PHF8: variants seen among roughly 807,000 people sequenced by gnomAD.
PHF8 encodes the protein PHD finger protein 8, also known as histone lysine demethylase PHF8.
In PHF8, 9 loss-of-function variants were observed where a neutral mutation model predicts 74.4. The ratio of observed to expected loss-of-function variants is 0.12; its 90% CI spans 0.07 to 0.21. PHF8 has a LOEUF of 0.21. Ranked by LOEUF, PHF8 falls within the 10% of genes least tolerant of loss-of-function variation. The pLI is 1.00. For synonymous variants in PHF8, 311 were observed against 316.6 expected (o/e 0.98, Z 0.19); for missense variants, 478 against 816.6 (o/e 0.59, Z 5.05).
At chrX:54,015,412 T>C (rs1191875666) in intron 6 of PHF8, among the ~76,000 whole-genome samples, 2 of 108,352 alleles carry the variant, frequency 1.8e-5, no homozygotes, top group African/African-American at 6.7e-5. Flanking sequence ...CCGTCTCTAC[T>C]AAAAACATAA....
intron 5 of PHF8, 85 bp from the exon 6 acceptor site, chrX:54,016,821 C>A (rs781886390): frequency 6.3e-4 from 471 of 749,391 alleles, no homozygotes; most frequent in Admixed American, 1.0e-3. Flanking sequence ...CCTAGAATGG[C>A]CTTACACTCA....
intron 4 of PHF8, among the ~76,000 whole-genome samples, chrX:54,020,711 G>C (rs1182169534): frequency 4.5e-5 from 5 of 110,391 alleles, no homozygotes; most frequent in Non-Finnish European, 7.6e-5. Context: ...AATAAAACAA[G>C]AAACATTAAG....
rs1557108260 is a variant in PHF8, at chrX:54,016,615, A to G, written c.576T>C (p.Ser192=). The part of the protein sequence containing the change: ...GKREKVLNVI[S]LEFSDTRLSN... ...CTTACCTGGTATCAGAGAATTCCAAACTAATGACATTGAGGACTTTCTCCC... is the reference window on the plus strand; with the variant it reads ...CTTACCTGGTATCAGAGAATTCCAAGCTAATGACATTGAGGACTTTCTCCC... Residue 192 remains serine, a synonymous_variant, in exon 6 of 22, where the codon AGT becomes AGC. Transcript: ENST00000338154. The G allele has an allele frequency of 1.7e-6, 2 of 1,206,109 alleles. No homozygotes were observed. Among genetic ancestry groups the G allele is most frequent in the Admixed American group, 4.4e-5 (2 of 45,936 alleles).
At chrX:53,942,990 C>T in intron 20 of PHF8, 1 of 763,260 alleles carries the variant, frequency 1.3e-6, no homozygotes, top group Non-Finnish European at 1.6e-6. Context: ...TTTTAGAATG[C>T]CTCCCTGGCC....
At chrX:53,947,104 C>T (rs948660115) in intron 19 of PHF8, among the ~76,000 whole-genome samples, 9 of 111,270 alleles carry the variant, frequency 8.1e-5, no homozygotes, top group Non-Finnish European at 1.5e-4. Context: ...CTCCACCTCC[C>T]GGGTTCAAGC....
At chrX:54,046,582 C>CAAA (rs58124156), upstream of PHF8, among the ~76,000 whole-genome samples, 3 of 88,807 alleles carry the variant, frequency 3.4e-5, no homozygotes, top group South Asian at 1.2e-3. Context: ...GACTCCATCT[C>CAAA]AAAAAAAAAA....
intron 8 of PHF8, among the ~76,000 whole-genome samples, chrX:54,006,641 A>G (rs1002513777): frequency 8.9e-6 from 1 of 111,770 alleles, no homozygotes; most frequent in African/African-American, 3.3e-5. Context: ...TTCTTATGAA[A>G]ATTCAGGGGA....
intron 7 of PHF8, among the ~76,000 whole-genome samples, 179 bp downstream of exon 7, chrX:54,014,198 G>A (rs1173136266): frequency 3.6e-5 from 4 of 110,873 alleles, no homozygotes; most frequent in Non-Finnish European, 5.7e-5. Context: ...CTCGTGATCC[G>A]CCCGCCTCGG....
chrX:54,007,415 C>G (rs1438039650), intron 8 of PHF8, among the ~76,000 whole-genome samples: 1 of 111,758 alleles, frequency 8.9e-6, no homozygotes, highest in East Asian at 2.8e-4. Flanking sequence ...AATTGGGCAT[C>G]AAAATTTGTA....
chrX:54,012,554 T>C (rs781869578), intron 7 of PHF8, among the ~76,000 whole-genome samples: 4 of 111,290 alleles, frequency 3.6e-5, no homozygotes, highest in Non-Finnish European at 7.5e-5. Context: ...CTCAGCACTT[T>C]GGGAGGTTGA....
Position 54,044,294 on chromosome X carries a change from GAGAAGCCCA to G in PHF8, c.-634_-626del. 2 of 755,251 alleles carry G rather than the reference GAGAAGCCCA, an allele frequency of 2.6e-6. No homozygotes were observed. The highest frequency in any genetic ancestry group is 3.1e-6 in the Non-Finnish European group (2 of 639,414). 62.2% of individuals were successfully genotyped at this position (755,251 alleles called of 1,213,427 possible). On this transcript the variant is annotated 5_prime_UTR_variant, in exon 1 of 22. Coordinates refer to ENST00000338154, the MANE Select transcript of PHF8 (RefSeq NM_015107.3). ...GGCACACGGCCCGAAAAGTCGCTGG[GAGAAGCCCA>G]GTGGCGGTGGTAGGCAATTCGGAGT...
Position 54,035,446 on chromosome X carries a change from G to A in PHF8, c.98+7185C>T, listed in dbSNP as rs2066436752. ...AGCAGTTGCTTATGGTAAGTTATAT[G>A]TATAATGTAATACCTAGAGCAAGTA... On this transcript the variant is annotated intron_variant, in intron 2 of 21. Transcript: ENST00000338154. Among the ~76,000 whole-genome samples, 3 of 110,589 alleles carry A rather than the reference G, an allele frequency of 2.7e-5. No homozygotes were observed. In the Admixed American group the frequency reaches 2.9e-4, roughly 11 times the overall value.
At chrX:53,967,734 G>A (rs1557093447) in intron 18 of PHF8, among the ~76,000 whole-genome samples, 1 of 114,153 alleles carries the variant, frequency 8.8e-6, no homozygotes, top group Non-Finnish European at 1.9e-5. Context: ...GTGGAAAGAA[G>A]TAGACATGGG....
At chrX:53,998,770 A>G (rs989035316) in intron 11 of PHF8, among the ~76,000 whole-genome samples, 2 of 111,742 alleles carry the variant, frequency 1.8e-5, no homozygotes, top group Non-Finnish European at 3.8e-5. Context: ...ATAGTTGATT[A>G]ATGTTCAGTT....
At chrX:53,966,431 G>A (rs1279674031) in intron 18 of PHF8, among the ~76,000 whole-genome samples, 5 of 112,701 alleles carry the variant, frequency 4.4e-5, no homozygotes, top group East Asian at 2.8e-4. Context: ...ACTGGGTTTC[G>A]CTGTGTTGGC....
Position 53,984,990 on chromosome X carries a change from C to T in PHF8, c.2367G>A (p.Glu789=). 1 of 1,211,235 alleles carries T rather than the reference C, an allele frequency of 8.3e-7. No homozygotes were observed. Reference sequence around the variant, plus strand: ...TGGCGTTCTCCTCCTCCTCCTCGCTCTCGGTTCTCCAGTATGCTGGCCGCT... The same window carrying T: ...TGGCGTTCTCCTCCTCCTCCTCGCTTTCGGTTCTCCAGTATGCTGGCCGCT... ...PIKRPAYWRT[E]SEEEEENASL... Residue 789 remains glutamate, a synonymous_variant, in exon 18 of 22, where the codon GAG becomes GAA. Coordinates refer to ENST00000338154, the MANE Select transcript of PHF8 (RefSeq NM_015107.3).
rs781865695 is a variant in PHF8 at position 53,985,884 on chromosome X, G to A, written c.2061C>T (p.Gly687=). ...TGAGCAGATCAAGAATGCCACCAGC[G>A]CCACTACCATTCCCAAGCTTGCCTT... ...GVEGKLGNGS[G]AGGILDLLKA... Residue 687 remains glycine, a synonymous_variant, in exon 17 of 22, where the codon GGC becomes GGT. Coordinates refer to ENST00000338154, the MANE Select transcript of PHF8 (RefSeq NM_015107.3). 3.3e-6 allele frequency: 4 copies of A among 1,207,572 alleles called. No homozygotes were observed. Among genetic ancestry groups the A allele is most frequent in the Middle Eastern group, 2.3e-4 (1 of 4,342 alleles).
At position 54,044,124 on chromosome X, in the gene PHF8, G is replaced by A. The variant is rs2066609656; in HGVS notation, c.-455C>T. ...TCCTCCACAACATTCCCCTCGGCCC[G>A]GCCGTTCGGGCCTACTGGAGACCGC... On this transcript the variant is annotated 5_prime_UTR_variant, in exon 1 of 22. Coordinates refer to ENST00000338154, the MANE Select transcript of PHF8 (RefSeq NM_015107.3). 1.3e-6 allele frequency: 1 copy of A among 754,117 alleles called. No individual in the cohort carries two copies. The highest frequency in any genetic ancestry group is 8.6e-5 in the Admixed American group (1 of 11,681). 62.1% of individuals were successfully genotyped at this position (754,117 alleles called of 1,213,427 possible).
At chrX:53,944,486 G>A in intron 19 of PHF8, 1 of 377,633 alleles carries the variant, frequency 2.6e-6, no homozygotes. Flanking sequence ...AACCTCCTTT[G>A]GCTGGGCATG....
Sources: gnomAD v4.1 joint callset for allele counts (sites outside exome capture counted in the v4.1 genomes callset) on GRCh38, gnomAD v4.1.1 for gene constraint, MANE v1.5 for transcripts, NCBI Gene and HGNC (gene_info 2026-07-23, HGNC 2026-07-21) for gene names.